The following CREB5 variants were observed in gnomAD, a reference collection of about 807,000 sequenced individuals.
CREB5 encodes the protein cyclic AMP-responsive element-binding protein 5.
A neutral mutation model predicts 57.1 loss-of-function variants in CREB5; 19 were observed. The ratio of observed to expected loss-of-function variants is 0.33; its 90% confidence interval spans 0.23 to 0.49. The LOEUF is 0.49. Among genes scored for constraint, CREB5 ranks in the 20% least tolerant of loss-of-function variants. The pLI, the probability that CREB5 is intolerant of heterozygous loss-of-function variation, is 0.99. For synonymous variants in CREB5, 238 were observed against 238.3 expected (o/e 1.00, Z 0.01); for missense variants, 579 against 671.6 (o/e 0.86, Z 1.52).
chr7:28,786,224 A>G (rs1330446633), intron 7 of CREB5, among the ~76,000 whole-genome samples: 1 of 152,144 alleles, frequency 6.6e-6, no homozygotes, highest in Non-Finnish European at 1.5e-5. Flanking sequence ...CTAAGTAGAG[A>G]AAAGAAGGGA....
chr7:28,550,253 G>C (rs191163796), intron 4 of CREB5, among the ~76,000 whole-genome samples: 1 of 150,180 alleles, frequency 6.7e-6, no homozygotes, highest in Non-Finnish European at 1.5e-5. Flanking sequence ...TCTTATTAAC[G>C]TTTTCATAGT....
At chr7:28,654,974 A>C (rs867627094) in intron 5 of CREB5, among the ~76,000 whole-genome samples, 3 of 152,120 alleles carry the variant, frequency 2.0e-5, no homozygotes, top group South Asian at 2.1e-4. Flanking sequence ...ACAGTGGCAC[A>C]ATATTGGCTC....
At chr7:28,712,026 A>G (rs1802420573) in intron 5 of CREB5, among the ~76,000 whole-genome samples, 1 of 152,170 alleles carries the variant, frequency 6.6e-6, no homozygotes, top group African/African-American at 2.4e-5. Flanking sequence ...CAGTTGAAGA[A>G]ACTGAGGCAC....
intron 1 of CREB5, among the ~76,000 whole-genome samples, chr7:28,322,819 T>C (rs1785516216): frequency 6.6e-6 from 1 of 152,198 alleles, no homozygotes; most frequent in Non-Finnish European, 1.5e-5. Flanking sequence ...CCATGGTGTA[T>C]ATGTGCCACA....
chr7:28,437,896 C>T (rs1017011417), intron 1 of CREB5, among the ~76,000 whole-genome samples: 11 of 152,218 alleles, frequency 7.2e-5, no homozygotes, highest in East Asian at 3.9e-4. Flanking sequence ...ACAGAAAAGA[C>T]GATGGAGACA....
intron 1 of CREB5, among the ~76,000 whole-genome samples, chr7:28,486,339 A>G (rs1200100537): frequency 1.3e-5 from 2 of 152,026 alleles, no homozygotes; most frequent in African/African-American, 4.8e-5. Flanking sequence ...TACAAAGTAC[A>G]GTATAATTGG....
intron 9 of CREB5, among the ~76,000 whole-genome samples, chr7:28,816,881 A>G (rs1388515018): frequency 6.6e-6 from 1 of 152,216 alleles, no homozygotes; most frequent in Non-Finnish European, 1.5e-5. Context: ...GACCAAAGAG[A>G]GGATATTATT....
rs74212086 is a variant in CREB5, at chr7:28,560,935, T to TGTGTGCGCGTGTGCGTGCGTGC, written c.292-9429_292-9428insTGTGCGCGTGTGCGTGCGTGCG. On this transcript the variant is annotated intron_variant, in intron 4 of 10. Coordinates refer to ENST00000357727, the MANE Select transcript of CREB5 (RefSeq NM_182898.4). ...GTGTGCGTGTGTGCGCGTGCGTGTGTGCGTGCGTGTGTGTGCGTGTGTGTG... is the reference window on the plus strand; with the variant it reads ...GTGTGCGTGTGTGCGCGTGCGTGTGTGTGTGCGCGTGTGCGTGCGTGCGCGTGCGTGTGTGTGCGTGTGTGTG... Among the ~76,000 whole-genome samples the TGTGTGCGCGTGTGCGTGCGTGC allele has an allele frequency of 2.2e-3, 122 of 56,236 alleles. 19 individuals carry two copies. The highest frequency in any genetic ancestry group is 3.3e-3 in the Non-Finnish European group (101 of 30,706). 36.9% of individuals were successfully genotyped at this position (56,236 alleles called of 152,430 possible). A position where few individuals can be genotyped will look rare whatever the true frequency, so the allele number is the denominator to read the frequency against.
chr7:28,586,355 G>A (rs1291836880), intron 5 of CREB5, among the ~76,000 whole-genome samples: 2 of 152,186 alleles, frequency 1.3e-5, no homozygotes, highest in Admixed American at 6.5e-5. Context: ...GAGGGGCCCA[G>A]GGTGTTCTTT....
At chr7:28,804,145 C>A in intron 7 of CREB5, 54 bp from the exon 8 acceptor site, 3 of 1,536,150 alleles carry the variant, frequency 2.0e-6, no homozygotes, top group Non-Finnish European at 2.7e-6. Context: ...AAATCTCTAT[C>A]ATGTACATGA....
chr7:28,582,851 T>C (rs1325734118), intron 5 of CREB5, among the ~76,000 whole-genome samples: 1 of 152,146 alleles, frequency 6.6e-6, no homozygotes, highest in African/African-American at 2.4e-5. Context: ...CATATGACAA[T>C]TCTTGGGAAA....
rs368435850 is a variant in CREB5 at position 28,576,790 on chromosome 7, T to G, written c.464+6253T>G. Among the ~76,000 whole-genome samples the G allele has an allele frequency of 3.9e-5, 6 of 152,316 alleles. No homozygotes were observed. In the East Asian group the frequency reaches 9.6e-4, roughly 24 times the overall value. On this transcript the variant is annotated intron_variant, in intron 5 of 10. Coordinates refer to ENST00000357727, the MANE Select transcript of CREB5 (RefSeq NM_182898.4). ...CTGTGAGCTTTTCTTGGAGGAAGACTTCATTTCTGGAACTTCTACACAGAA... is the reference window on the plus strand; with the variant it reads ...CTGTGAGCTTTTCTTGGAGGAAGACGTCATTTCTGGAACTTCTACACAGAA...
At chr7:28,687,638 G>C (rs575903448) in intron 5 of CREB5, among the ~76,000 whole-genome samples, 7 of 151,438 alleles carry the variant, frequency 4.6e-5, no homozygotes, top group African/African-American at 7.3e-5. Flanking sequence ...TTATTTAGAC[G>C]TGATCATCCT....
chr7:28,764,570 TGAAA>T (rs1410885244), intron 7 of CREB5, among the ~76,000 whole-genome samples: 1 of 152,204 alleles, frequency 6.6e-6, no homozygotes, highest in Non-Finnish European at 1.5e-5. Context: ...TTCGGTGGGT[TGAAA>T]GAAAGTCTGA....
chr7:28,505,228 G>GCACGCACA (rs1792435146), intron 3 of CREB5, among the ~76,000 whole-genome samples: 1 of 151,876 alleles, frequency 6.6e-6, no homozygotes, highest in Non-Finnish European at 1.5e-5. Flanking sequence ...ATGCACACAC[G>GCACGCACA]CACGCACACA....
intron 1 of CREB5, among the ~76,000 whole-genome samples, chr7:28,385,859 A>G (rs1177520451): frequency 1.3e-5 from 2 of 152,150 alleles, no homozygotes; most frequent in Non-Finnish European, 2.9e-5. Flanking sequence ...ATCATTTTTT[A>G]GAGTGCTGTG....
At chr7:28,482,880 G>C (rs1264510058) in intron 1 of CREB5, among the ~76,000 whole-genome samples, 1 of 152,218 alleles carries the variant, frequency 6.6e-6, no homozygotes, top group East Asian at 1.9e-4. Flanking sequence ...TTTCAGATTA[G>C]AACAGCCCTT....
At chr7:28,560,843 T>TGCGTGCGC (rs1795098141) in intron 4 of CREB5, among the ~76,000 whole-genome samples, 1 of 76,288 alleles carries the variant, frequency 1.3e-5, no homozygotes, top group Non-Finnish European at 2.8e-5. Context: ...CGTGTGTGTG[T>TGCGTGCGC]GCGCGTGTGT....
intron 5 of CREB5, among the ~76,000 whole-genome samples, chr7:28,637,946 T>A (rs776960440): frequency 8.5e-5 from 13 of 152,214 alleles, no homozygotes; most frequent in Non-Finnish European, 1.8e-4. Flanking sequence ...TGCTTCAGAC[T>A]GTGTGGGCTT....
Sources: gnomAD v4.1 joint callset for allele counts (sites outside exome capture counted in the v4.1 genomes callset) on GRCh38, gnomAD v4.1.1 for gene constraint, MANE v1.5 for transcripts, NCBI Gene and HGNC (gene_info 2026-07-23, HGNC 2026-07-21) for gene names.